Variants in LIN7A observed in about 807,000 individuals in gnomAD.
The protein encoded by LIN7A is protein lin-7 homolog A.
Under a neutral mutation model 29.8 loss-of-function variants are expected in LIN7A, and 25 were observed. The observed-to-expected ratio is 0.84, with a 90% CI of 0.61 to 1.17. The LOEUF is 1.17. LIN7A is among the 50% of genes most tolerant of loss of function. The probability of loss-of-function intolerance (pLI) is 0.00; values close to 1 mark genes in which losing one functional copy is unlikely to be tolerated. For missense variants in LIN7A, 239 were observed against 287.0 expected, an observed-to-expected ratio of 0.83 and a Z score of 1.21; for synonymous variants, 118 against 107.5, an observed-to-expected ratio of 1.10 and a Z score of -0.60.
Position 80,903,365 on chromosome 12 carries a change from A to G in LIN7A, c.83-13996T>C, listed in dbSNP as rs573322928. Among the ~76,000 whole-genome samples the G allele has an allele frequency of 9.9e-5, 15 of 152,046 alleles. No individual in the cohort carries two copies. The South Asian group carries it at 3.1e-3, about 32-fold the overall frequency. ...GTAATTTTTCATCACCCACCCTCCT[A>G]TCCTTTCAAGTCTCCAGTGTCTATT... On this transcript the variant is annotated intron_variant, in intron 1 of 5. Transcript: ENST00000552864.
intron 1 of LIN7A, among the ~76,000 whole-genome samples, chr12:80,901,452 T>G (rs1390211900): frequency 6.6e-6 from 1 of 152,152 alleles, no homozygotes; most frequent in Non-Finnish European, 1.5e-5. Flanking sequence ...ATATACCAGT[T>G]GTAATATTTC....
At position 80,840,414 on chromosome 12, in the gene LIN7A, C is replaced by T. The variant is rs116280244; in HGVS notation, c.483+5316G>A. 8.4e-3 allele frequency among the ~76,000 whole-genome samples: 1,283 copies of T among 152,178 alleles called. 23 individuals carry two copies. The highest frequency in any genetic ancestry group is 0.029 in the African/African-American group (1,203 of 41,514). ...TTTCTCACCTGCGTGCACGTGTGCACGTGTGTCTTTGGATGTGAGTTCATG... is the reference window on the plus strand; with the variant it reads ...TTTCTCACCTGCGTGCACGTGTGCATGTGTGTCTTTGGATGTGAGTTCATG... On this transcript the variant is annotated intron_variant, in intron 4 of 5. Coordinates refer to ENST00000552864, the MANE Select transcript of LIN7A (RefSeq NM_004664.4).
At chr12:80,840,157 T>A (rs1228559481) in intron 4 of LIN7A, among the ~76,000 whole-genome samples, 2 of 152,172 alleles carry the variant, frequency 1.3e-5, no homozygotes, top group Non-Finnish European at 2.9e-5. Flanking sequence ...TAAAAATAAA[T>A]AAATAATTAT....
chr12:80,930,810 G>C (rs1400541585), intron 1 of LIN7A, among the ~76,000 whole-genome samples: 2 of 152,120 alleles, frequency 1.3e-5, no homozygotes, highest in African/African-American at 4.8e-5. Context: ...CATTATTTTA[G>C]GTTAGAAGGC....
chr12:80,931,414 G>A (rs1042438360), intron 1 of LIN7A, among the ~76,000 whole-genome samples: 4 of 152,150 alleles, frequency 2.6e-5, no homozygotes, highest in South Asian at 2.1e-4. Flanking sequence ...GCTGAGGCAC[G>A]CGCATCACCT....
chr12:80,835,664 A>G (rs1257020354), intron 4 of LIN7A, among the ~76,000 whole-genome samples: 1 of 152,236 alleles, frequency 6.6e-6, no homozygotes, highest in East Asian at 1.9e-4. Flanking sequence ...ACACTCTTAC[A>G]TACTTTCTCT....
At position 80,937,380 on chromosome 12, in the gene LIN7A, G is replaced by A. The variant is rs1878296106; in HGVS notation, c.82+261C>T. 1.3e-5 allele frequency: 5 copies of A among 374,540 alleles called. No individual in the cohort carries two copies. In the East Asian group the frequency reaches 1.9e-4, roughly 15 times the overall value. The allele number at this position is 374,540 out of a possible 1,614,324, so 23.2% of individuals were successfully genotyped here. A position where few individuals can be genotyped will look rare whatever the true frequency, so the allele number is the denominator to read the frequency against. On this transcript the variant is annotated intron_variant, in intron 1 of 5. Transcript: ENST00000552864. ...CCGGAGACGACCCGGCGAGGGGCTGGGAGTGGCAGCGGGGACCCCAGAGCC... is the reference window on the plus strand; with the variant it reads ...CCGGAGACGACCCGGCGAGGGGCTGAGAGTGGCAGCGGGGACCCCAGAGCC...
At chr12:80,911,834 A>G (rs905692809) in intron 1 of LIN7A, among the ~76,000 whole-genome samples, 1 of 152,220 alleles carries the variant, frequency 6.6e-6, no homozygotes, top group Non-Finnish European at 1.5e-5. Context: ...CAAATTACTC[A>G]TACATAAACA....
intron 1 of LIN7A, among the ~76,000 whole-genome samples, chr12:80,907,055 C>CTCTG (rs1555228957): frequency 0.012 from 1,686 of 145,334 alleles, 14 homozygotes; most frequent in South Asian, 0.033. Flanking sequence ...AGTGCGTGCT[C>CTCTG]TGTGTGTGTG....
intron 2 of LIN7A, among the ~76,000 whole-genome samples, chr12:80,869,149 A>AATATAT (rs1555225727): frequency 8.9e-4 from 130 of 145,462 alleles, no homozygotes; most frequent in African/African-American, 3.0e-3. Flanking sequence ...TAAATAAATA[A>AATATAT]ATATATATAT....
At chr12:80,927,452 G>A (rs1877666640) in intron 1 of LIN7A, among the ~76,000 whole-genome samples, 1 of 152,114 alleles carries the variant, frequency 6.6e-6, no homozygotes, top group Non-Finnish European at 1.5e-5. Flanking sequence ...CCCGGCCACA[G>A]TAAATTATTT....
chr12:80,845,997 A>C, intron 3 of LIN7A, 58 bp from the exon 4 acceptor site: 1 of 1,466,708 alleles, frequency 6.8e-7, no homozygotes, highest in South Asian at 1.4e-5. Context: ...ATAAAGGCTA[A>C]TCATATGCTT....
chr12:80,915,510 C>T (rs923654894), intron 1 of LIN7A, among the ~76,000 whole-genome samples: 2 of 152,132 alleles, frequency 1.3e-5, no homozygotes, highest in African/African-American at 2.4e-5. Flanking sequence ...AACATGGAAA[C>T]CCCATTACTG....
intron 1 of LIN7A, among the ~76,000 whole-genome samples, chr12:80,912,334 A>C (rs1288019841): frequency 6.6e-6 from 1 of 152,210 alleles, no homozygotes; most frequent in Non-Finnish European, 1.5e-5. Flanking sequence ...TACCTAATAT[A>C]ATAATTACAT....
chr12:80,807,063 G>GTTTTTTTTTGGTTTTTTTTTT (rs374349839), intron 5 of LIN7A, among the ~76,000 whole-genome samples: 1 of 53,592 alleles, frequency 1.9e-5, no homozygotes, highest in East Asian at 5.3e-4. Flanking sequence ...TGAAGATGGA[G>GTTTTTTTTTGGTTTTTTTTTT]TTTTTTTTTT....
intron 4 of LIN7A, among the ~76,000 whole-genome samples, chr12:80,825,370 A>G (rs1256774454): frequency 3.3e-5 from 5 of 152,238 alleles, no homozygotes; most frequent in Admixed American, 6.5e-5. Flanking sequence ...GGGATGATAC[A>G]GCCTGGTTTA....
chr12:80,825,146 A>G (rs1872001044), intron 4 of LIN7A, among the ~76,000 whole-genome samples: 1 of 152,212 alleles, frequency 6.6e-6, no homozygotes, highest in African/African-American at 2.4e-5. Flanking sequence ...TTAAAAATCA[A>G]TAGCCAGGAA....
chr12:80,843,606 A>G (rs537109942), intron 4 of LIN7A, among the ~76,000 whole-genome samples: 3 of 152,306 alleles, frequency 2.0e-5, no homozygotes, highest in South Asian at 4.1e-4. Context: ...AACCTTCACC[A>G]GTAGCCACAT....
chr12:80,832,901 T>A (rs1034827876), intron 4 of LIN7A, among the ~76,000 whole-genome samples: 2 of 152,082 alleles, frequency 1.3e-5, no homozygotes, highest in Admixed American at 6.6e-5. Flanking sequence ...TCTGGGGACA[T>A]TTTTTGTTGT....
Sources: gnomAD v4.1 joint callset for allele counts (sites outside exome capture counted in the v4.1 genomes callset) on GRCh38, gnomAD v4.1.1 for gene constraint, MANE v1.5 for transcripts, NCBI Gene and HGNC (gene_info 2026-07-23, HGNC 2026-07-21) for gene names.